The following HNRNPLL variants were observed in gnomAD, a reference collection of about 807,000 sequenced individuals.
HNRNPLL encodes the protein heterogeneous nuclear ribonucleoprotein L like, also known as heterogeneous nuclear ribonucleoprotein L-like.
In HNRNPLL, 25 loss-of-function variants were observed where a neutral mutation model predicts 67.1. That is an observed-to-expected ratio of 0.37 (90% CI 0.27 to 0.52). The LOEUF (loss-of-function observed/expected upper bound fraction) is 0.52. Ranked by LOEUF, HNRNPLL falls within the 20% of genes least tolerant of loss-of-function variation. HNRNPLL has a pLI of 0.90. For synonymous variants in HNRNPLL, 267 were observed against 241.7 expected (o/e 1.10, Z -0.97); for missense variants, 542 against 673.9 (o/e 0.80, Z 2.17).
intron 1 of HNRNPLL, among the ~76,000 whole-genome samples, chr2:38,599,698 T>C (rs1667347410): frequency 2.0e-5 from 3 of 152,370 alleles, no homozygotes; most frequent in African/African-American, 7.2e-5. Context: ...CAATTATCCA[T>C]TCATTTCTAA....
intron 7 of HNRNPLL, among the ~76,000 whole-genome samples, chr2:38,576,195 C>T (rs1402624957): frequency 2.0e-5 from 3 of 151,788 alleles, no homozygotes; most frequent in Non-Finnish European, 3.0e-5. Flanking sequence ...TATTCTTTCA[C>T]AGATTTTTCT....
Position 38,602,898 on chromosome 2 carries a change from GC to G in HNRNPLL, c.-273del, listed in dbSNP as rs1456896933. On this transcript the variant is annotated 5_prime_UTR_variant, in exon 1 of 13. Coordinates refer to ENST00000449105, the MANE Select transcript of HNRNPLL (RefSeq NM_138394.4). ...CTCTCCCTCCTCCTCCTCCGTCTCC[GC>G]TCCCTGCCCGGAGGAGCGAATCTAA... 3 of 1,543,620 alleles carry G rather than the reference GC, an allele frequency of 1.9e-6. No individual in the cohort carries two copies. The African/African-American group carries it at 4.1e-5, about 21-fold the overall frequency.
At position 38,573,939 on chromosome 2, in the gene HNRNPLL, T is replaced by C. The variant is rs530685370; in HGVS notation, c.875-512A>G. The stretch of plus-strand genomic sequence containing the variant: ...TATGTACTTTCAGGTTGGTATCTTA[T>C]TCCCCTAATTCTAATTTAGGAAACT... On this transcript the variant is annotated intron_variant, in intron 7 of 12. Transcript: ENST00000449105. Among the ~76,000 whole-genome samples the C allele has an allele frequency of 7.9e-5, 12 of 152,048 alleles. No homozygotes were observed. In the South Asian group the frequency reaches 2.3e-3, roughly 29 times the overall value.
Position 38,569,752 on chromosome 2 carries a change from A to G in HNRNPLL, c.1214+52T>C, listed in dbSNP as rs1275022036. ...GACATTAATGTCTCTAATAAAAAGG[A>G]CAAAGATTTTTAAATATTTTTTAAA... On this transcript the variant is annotated intron_variant, in intron 9 of 12. Transcript: ENST00000449105. The G allele has an allele frequency of 4.0e-6, 4 of 1,012,254 alleles. No individual in the cohort carries two copies. In the Admixed American group the frequency reaches 9.0e-5, roughly 23 times the overall value. The allele number at this position is 1,012,254 out of a possible 1,614,324, so 62.7% of individuals were successfully genotyped here.
chr2:38,583,931 G>A lies in HNRNPLL; in HGVS notation c.547-5C>T. On this transcript the variant is annotated splice_region_variant and splice_polypyrimidine_tract_variant and intron_variant, in intron 3 of 12. Coordinates refer to ENST00000449105, the MANE Select transcript of HNRNPLL (RefSeq NM_138394.4). The stretch of plus-strand genomic sequence containing the variant: ...GCATACAGTATATAAAACATCCTAT[G>A]AAGGAAAAGAAAAAGATTTCTTCAC... 7.5e-7 allele frequency: 1 copy of A among 1,327,092 alleles called. No individual in the cohort carries two copies. The highest frequency in any genetic ancestry group is 1.5e-5 in the African/African-American group (1 of 67,058). 82.2% of individuals were successfully genotyped at this position (1,327,092 alleles called of 1,614,324 possible).
chr2:38,566,380 C>CAA (rs71402235), intron 12 of HNRNPLL, among the ~76,000 whole-genome samples: 19,203 of 118,892 alleles, frequency 0.16, 1,421 homozygotes, highest in African/African-American at 0.18. Flanking sequence ...AAAAAAAAAC[C>CAA]AAAAAAAAAA....
intron 6 of HNRNPLL, among the ~76,000 whole-genome samples, chr2:38,577,767 C>T (rs1337825031): frequency 5.9e-5 from 9 of 151,976 alleles, no homozygotes; most frequent in East Asian, 5.8e-4. Flanking sequence ...TTGGCAAATG[C>T]CAAATACAAT....
chr2:38,582,956 A>G (rs1666592390), intron 4 of HNRNPLL, among the ~76,000 whole-genome samples: 3 of 152,256 alleles, frequency 2.0e-5, no homozygotes, highest in African/African-American at 7.2e-5. Context: ...GGTCATCATT[A>G]GTACTTTATA....
chr2:38,583,179 TAA>T (rs1189773406), intron 4 of HNRNPLL, among the ~76,000 whole-genome samples: 11 of 152,148 alleles, frequency 7.2e-5, no homozygotes, highest in Non-Finnish European at 1.3e-4. Flanking sequence ...AAAAATTACT[TAA>T]GTCCATAATC....
chr2:38,594,927 G>C (rs935185243), intron 1 of HNRNPLL, among the ~76,000 whole-genome samples: 1 of 150,360 alleles, frequency 6.7e-6, no homozygotes, highest in African/African-American at 2.5e-5. Flanking sequence ...CTGGGCAACA[G>C]AGCCTCCATC....
chr2:38,578,143 C>T lies in HNRNPLL; in HGVS notation c.803-611G>A, dbSNP rs116656462. On this transcript the variant is annotated intron_variant, in intron 6 of 12. Coordinates refer to ENST00000449105, the MANE Select transcript of HNRNPLL (RefSeq NM_138394.4). ...TCATGAATAGGTCATTGTCTATTGA[C>T]CATAACACCAGGTAGGACTATGAGC... The T allele has an allele frequency of 1.5e-3, 579 of 382,526 alleles. 4 individuals are homozygous for T. Among genetic ancestry groups the T allele is most frequent in the African/African-American group, 0.011 (545 of 47,762 alleles). The allele number at this position is 382,526 out of a possible 1,614,324, so 23.7% of individuals were successfully genotyped here.
rs118179488 is a variant in HNRNPLL, at chr2:38,591,229, C to T, written c.308+301G>A. Among the ~76,000 whole-genome samples, 72 of 152,212 alleles carry T rather than the reference C, an allele frequency of 4.7e-4. 4 individuals carry two copies. The East Asian group carries it at 0.014, about 29-fold the overall frequency. The stretch of plus-strand genomic sequence containing the variant: ...CTCAATGGTTTAAAGAGTGTTTGAA[C>T]AGGACTCACGGACTCATTTGAAAAT... On this transcript the variant is annotated intron_variant, in intron 2 of 12. Coordinates refer to ENST00000449105, the MANE Select transcript of HNRNPLL (RefSeq NM_138394.4).
At chr2:38,598,947 TTAAC>T (rs1667316866) in intron 1 of HNRNPLL, among the ~76,000 whole-genome samples, 1 of 152,250 alleles carries the variant, frequency 6.6e-6, no homozygotes, top group South Asian at 2.1e-4. Context: ...CACACATCCT[TTAAC>T]TACTTTATTT....
In HNRNPLL at chr2:38,602,880, T is replaced by A; in HGVS notation, c.-254A>T. The A allele has an allele frequency of 6.6e-7, 1 of 1,523,308 alleles. No homozygotes were observed. The highest frequency in any genetic ancestry group is 8.9e-7 in the Non-Finnish European group (1 of 1,125,778). 94.4% of individuals were successfully genotyped at this position (1,523,308 alleles called of 1,614,324 possible). On this transcript the variant is annotated 5_prime_UTR_variant, in exon 1 of 13. Coordinates refer to ENST00000449105, the MANE Select transcript of HNRNPLL (RefSeq NM_138394.4). ...ACCGAGCCAACATTCAGCCTCTCCC[T>A]CCTCCTCCTCCGTCTCCGCTCCCTG...
chr2:38,602,239 G>A (rs1192922466), intron 1 of HNRNPLL, 199 bp downstream of exon 1: 1 of 557,904 alleles, frequency 1.8e-6, no homozygotes, highest in East Asian at 3.5e-5. Context: ...CTGCGGCCAG[G>A]ACGGCGCCGG....
intron 12 of HNRNPLL, among the ~76,000 whole-genome samples, chr2:38,564,451 C>G (rs551716953): frequency 1.3e-5 from 2 of 151,796 alleles, no homozygotes; most frequent in African/African-American, 4.8e-5. Flanking sequence ...GAAACCCCGC[C>G]TCTACTAAAA....
At chr2:38,594,919 G>T (rs1182917499) in intron 1 of HNRNPLL, among the ~76,000 whole-genome samples, 1 of 151,718 alleles carries the variant, frequency 6.6e-6, no homozygotes, top group Non-Finnish European at 1.5e-5. Context: ...ACTCCAGCCT[G>T]GGCAACAGAG....
At chr2:38,573,770 A>T (rs1666187659) in intron 7 of HNRNPLL, among the ~76,000 whole-genome samples, 1 of 151,892 alleles carries the variant, frequency 6.6e-6, no homozygotes, top group Non-Finnish European at 1.5e-5. Context: ...CCTCAAATTT[A>T]AAAAATAAAC....
At chr2:38,589,085 G>C (rs1429997427) in intron 2 of HNRNPLL, among the ~76,000 whole-genome samples, 2 of 152,158 alleles carry the variant, frequency 1.3e-5, no homozygotes, top group African/African-American at 2.4e-5. Context: ...TTTAATGGGA[G>C]AGAAGGGGAA....
Sources: gnomAD v4.1 joint callset for allele counts (sites outside exome capture counted in the v4.1 genomes callset) on GRCh38, gnomAD v4.1.1 for gene constraint, MANE v1.5 for transcripts, NCBI Gene and HGNC (gene_info 2026-07-23, HGNC 2026-07-21) for gene names.